ERBB4: variants seen among roughly 807,000 people sequenced by gnomAD.
The protein encoded by ERBB4 is erb-b2 receptor tyrosine kinase 4, also known as receptor tyrosine-protein kinase erbB-4.
Under a neutral mutation model 158.0 loss-of-function variants are expected in ERBB4, and 42 were observed. That is an observed-to-expected ratio of 0.27 (90% CI 0.21 to 0.34). The LOEUF is 0.34. ERBB4 is among the 10% of genes least tolerant of loss of function. ERBB4 has a pLI of 1.00. For missense variants in ERBB4, 1,333 were observed against 1,624.1 expected, an observed-to-expected ratio of 0.82 and a Z score of 3.08; for synonymous variants, 583 against 558.7, an observed-to-expected ratio of 1.04 and a Z score of -0.61.
At chr2:211,899,599 C>T (rs1559627104) in intron 3 of ERBB4, among the ~76,000 whole-genome samples, 1 of 152,014 alleles carries the variant, frequency 6.6e-6, no homozygotes, top group Non-Finnish European at 1.5e-5. Context: ...ATAGTACTTA[C>T]ATTTGATAAA....
chr2:211,722,019 C>T (rs13415171), intron 7 of ERBB4, among the ~76,000 whole-genome samples: 11,224 of 152,082 alleles, frequency 0.074, 469 homozygotes, highest in African/African-American at 0.083. Context: ...CCCGCCACCA[C>T]GCCTGGCTAA....
At chr2:211,513,941 C>T (rs1027933458) in intron 20 of ERBB4, among the ~76,000 whole-genome samples, 2 of 151,938 alleles carry the variant, frequency 1.3e-5, no homozygotes, top group African/African-American at 4.8e-5. Flanking sequence ...TCAGGGATAT[C>T]CATCGTTTCA....
intron 2 of ERBB4, among the ~76,000 whole-genome samples, chr2:211,968,052 T>A (rs1181020124): frequency 6.6e-6 from 1 of 152,056 alleles, no homozygotes; most frequent in African/African-American, 2.4e-5. Flanking sequence ...AAGATTCATA[T>A]CTTCTATGTA....
rs2080349741 is a variant in ERBB4 at position 211,937,218 on chromosome 2, T to A, written c.421+10212A>T. On this transcript the variant is annotated intron_variant, in intron 3 of 27. Coordinates refer to ENST00000342788, the MANE Select transcript of ERBB4 (RefSeq NM_005235.3). ...AAAACAACAGTTTGTTTCCTACAAT[T>A]GATGATGGCTTAAATTTGTTGAAAT... 2.0e-5 allele frequency among the ~76,000 whole-genome samples: 3 copies of A among 152,190 alleles called. 1 individual carries two copies. The highest frequency in any genetic ancestry group is 7.2e-5 in the African/African-American group (3 of 41,448).
intron 19 of ERBB4, among the ~76,000 whole-genome samples, chr2:211,572,945 G>A (rs1559308948): frequency 1.3e-5 from 2 of 152,110 alleles, no homozygotes; most frequent in African/African-American, 2.4e-5. Context: ...GTCATTGTGT[G>A]GTAGGCTGAT....
intron 20 of ERBB4, among the ~76,000 whole-genome samples, chr2:211,539,598 C>A (rs1221739094): frequency 6.6e-6 from 1 of 151,954 alleles, no homozygotes; most frequent in East Asian, 1.9e-4. Context: ...GGCTCCCTTT[C>A]TGCCTTCTAT....
chr2:211,561,806 A>T, intron 20 of ERBB4, 97 bp downstream of exon 20: 1 of 1,086,560 alleles, frequency 9.2e-7, no homozygotes, highest in Non-Finnish European at 1.4e-6. Context: ...TATTTTATTT[A>T]AATGGGAAGA....
chr2:211,524,042 C>T (rs1225873279), intron 20 of ERBB4, among the ~76,000 whole-genome samples: 1 of 152,040 alleles, frequency 6.6e-6, no homozygotes, highest in African/African-American at 2.4e-5. Context: ...TTGATTGGTG[C>T]ACTCACAAAC....
intron 3 of ERBB4, among the ~76,000 whole-genome samples, chr2:211,819,333 A>G (rs1298776202): frequency 1.3e-5 from 2 of 152,078 alleles, no homozygotes; most frequent in Non-Finnish European, 2.9e-5. Context: ...AGGAAGATAT[A>G]AAAATAAATT....
At chr2:211,499,864 A>C (rs1306896339) in intron 20 of ERBB4, among the ~76,000 whole-genome samples, 1 of 152,084 alleles carries the variant, frequency 6.6e-6, no homozygotes, top group Non-Finnish European at 1.5e-5. Context: ...TTTTGGCTTC[A>C]ACCTCAATAT....
At chr2:212,396,962 CA>C (rs2091045754) in intron 1 of ERBB4, among the ~76,000 whole-genome samples, 1 of 151,958 alleles carries the variant, frequency 6.6e-6, no homozygotes, top group African/African-American at 2.4e-5. Flanking sequence ...TGATTGTTTT[CA>C]AAGAACAATA....
chr2:211,552,423 T>A (rs559914364), intron 20 of ERBB4, among the ~76,000 whole-genome samples: 7 of 152,162 alleles, frequency 4.6e-5, no homozygotes, highest in African/African-American at 1.4e-4. Flanking sequence ...TTTTAAAATT[T>A]TTTTTGGAAG....
intron 16 of ERBB4, among the ~76,000 whole-genome samples, chr2:211,637,213 T>C (rs751939958): frequency 6.6e-6 from 1 of 151,926 alleles, no homozygotes; most frequent in African/African-American, 2.4e-5. Flanking sequence ...AGGGGTATAT[T>C]CTGTTTTGTA....
At chr2:212,092,487 T>C (rs934043319) in intron 2 of ERBB4, among the ~76,000 whole-genome samples, 21 of 152,184 alleles carry the variant, frequency 1.4e-4, no homozygotes, top group African/African-American at 5.1e-4. Flanking sequence ...ATTCCAATTT[T>C]TCTGACTTTT....
At chr2:212,067,131 G>A (rs1462182998) in intron 2 of ERBB4, among the ~76,000 whole-genome samples, 1 of 151,882 alleles carries the variant, frequency 6.6e-6, no homozygotes, top group Non-Finnish European at 1.5e-5. Context: ...AAACAAAAAT[G>A]GAAACATTTA....
intron 2 of ERBB4, among the ~76,000 whole-genome samples, chr2:212,116,681 C>T (rs1382776315): frequency 6.6e-6 from 1 of 152,196 alleles, no homozygotes; most frequent in Admixed American, 6.5e-5. Context: ...AGCAATCCTC[C>T]TACCTCAGCC....
intron 2 of ERBB4, among the ~76,000 whole-genome samples, chr2:212,113,314 G>A (rs1414472658): frequency 1.3e-5 from 2 of 152,042 alleles, no homozygotes; most frequent in African/African-American, 2.4e-5. Context: ...GGTGGCTCAC[G>A]CCTGTAATCC....
chr2:211,777,545 C>T (rs1157820646), intron 4 of ERBB4: 1 of 152,132 alleles, frequency 6.6e-6, no homozygotes, highest in African/African-American at 2.4e-5. Context: ...TGGTTGACAC[C>T]TATAATTCCA....
chr2:212,179,041 G>A (rs1286626742), intron 1 of ERBB4, among the ~76,000 whole-genome samples: 1 of 151,530 alleles, frequency 6.6e-6, no homozygotes, highest in East Asian at 1.9e-4. Context: ...TTTTAGCAGT[G>A]TCTCTTAAAT....
Sources: gnomAD v4.1 joint callset for allele counts (sites outside exome capture counted in the v4.1 genomes callset) on GRCh38, gnomAD v4.1.1 for gene constraint, MANE v1.5 for transcripts, NCBI Gene and HGNC (gene_info 2026-07-23, HGNC 2026-07-21) for gene names.